Variants in PHEX observed in about 807,000 individuals in gnomAD.
PHEX encodes the protein phosphate-regulating neutral endopeptidase PHEX.
PHEX carries 16 observed loss-of-function variants against 68.0 expected under a neutral mutation model. The observed-to-expected ratio is 0.24, with a 90% confidence interval of 0.16 to 0.36. The LOEUF is 0.36. PHEX is among the 10% of genes least tolerant of loss of function. PHEX has a pLI of 1.00. For synonymous variants in PHEX, 208 were observed against 205.1 expected, an observed-to-expected ratio of 1.01 and a Z score of -0.12; for missense variants, 480 against 575.5, an observed-to-expected ratio of 0.83 and a Z score of 1.70.
chrX:22,122,874 G>C (rs1444962243), intron 11 of PHEX, among the ~76,000 whole-genome samples: 1 of 110,858 alleles, frequency 9.0e-6, no homozygotes, highest in East Asian at 2.8e-4. Flanking sequence ...AACATGTGAG[G>C]TCTCCTGAGA....
At chrX:22,178,115 T>C (rs1187774386) in intron 13 of PHEX, among the ~76,000 whole-genome samples, 158 bp from the exon 14 acceptor site, 1 of 112,323 alleles carries the variant, frequency 8.9e-6, no homozygotes, top group Admixed American at 9.5e-5. Flanking sequence ...AGACTAAATT[T>C]CATGGCTTTG....
chrX:22,082,845 A>T (rs917125811), intron 5 of PHEX, among the ~76,000 whole-genome samples: 2 of 112,583 alleles, frequency 1.8e-5, no homozygotes, highest in Admixed American at 9.4e-5. Flanking sequence ...TCACAGAATT[A>T]GAAAAAGGCT....
chrX:22,051,770 T>C (rs1278789510), intron 3 of PHEX, among the ~76,000 whole-genome samples: 1 of 111,197 alleles, frequency 9.0e-6, no homozygotes, highest in Non-Finnish European at 1.9e-5. Flanking sequence ...TATACTTTTA[T>C]ACACATGGGC....
rs1266685794 is a variant in PHEX at position 22,041,285 on chromosome X, A to C, written c.187+2748A>C. Among the ~76,000 whole-genome samples, 743 of 97,608 alleles carry C rather than the reference A, an allele frequency of 7.6e-3. 11 individuals are homozygous for C. The highest frequency in any genetic ancestry group is 0.02 in the Middle Eastern group (4 of 200). The allele number at this position is 97,608 out of a possible 115,157, so 84.8% of individuals were successfully genotyped here. On this transcript the variant is annotated intron_variant, in intron 2 of 21. Transcript: ENST00000379374. ...TCTCTCTATATATATATATATATAT[A>C]TATATATATATATATATTTTAACCA...
chrX:22,100,143 A>G (rs1930350466), intron 9 of PHEX, among the ~76,000 whole-genome samples: 2 of 112,232 alleles, frequency 1.8e-5, no homozygotes, highest in African/African-American at 6.5e-5. Context: ...TTCTAAATGG[A>G]AATTGAATCT....
Position 22,055,174 on chromosome X carries a change from C to CAAAAAAAAAAAAAAAAAAAAA in PHEX, c.349+7984_349+8004dup, listed in dbSNP as rs111628195. 5.3e-4 allele frequency among the ~76,000 whole-genome samples: 35 copies of CAAAAAAAAAAAAAAAAAAAAA among 66,082 alleles called. 3 individuals are homozygous for CAAAAAAAAAAAAAAAAAAAAA. The highest frequency in any genetic ancestry group is 6.7e-4 in the Admixed American group (3 of 4,506). 57.4% of individuals were successfully genotyped at this position (66,082 alleles called of 115,157 possible). ...CGGGCAACAGAGAGAGACTCCAGCTCAAAAAAAAAAAAAAAAAAAAAAAAA... is the reference window on the plus strand; with the variant it reads ...CGGGCAACAGAGAGAGACTCCAGCTCAAAAAAAAAAAAAAAAAAAAAAAAAAAAAAAAAAAAAAAAAAAAAA... On this transcript the variant is annotated intron_variant, in intron 3 of 21. Coordinates refer to ENST00000379374, the MANE Select transcript of PHEX (RefSeq NM_000444.6).
At chrX:22,205,214 C>A (rs1340232689) in intron 15 of PHEX, among the ~76,000 whole-genome samples, 1 of 112,036 alleles carries the variant, frequency 8.9e-6, no homozygotes, top group African/African-American at 3.2e-5. Context: ...CATCCTCAAG[C>A]CCATTGAATT....
intron 8 of PHEX, chrX:22,098,002 C>T (rs1190406715): frequency 7.7e-6 from 1 of 130,126 alleles, no homozygotes; most frequent in Non-Finnish European, 1.6e-5. Flanking sequence ...AAATGATCCA[C>T]CTGCCTCGGC....
chrX:22,160,942 T>C (rs1933103374), intron 12 of PHEX, among the ~76,000 whole-genome samples: 1 of 110,112 alleles, frequency 9.1e-6, no homozygotes, highest in Admixed American at 9.7e-5. Flanking sequence ...GAGACCAGCC[T>C]GGCCAACATG....
intron 8 of PHEX, among the ~76,000 whole-genome samples, chrX:22,097,247 G>A (rs1450752660): frequency 8.9e-6 from 1 of 112,512 alleles, no homozygotes; most frequent in Non-Finnish European, 1.9e-5. Context: ...CAGTGGCTTA[G>A]AAACTTAAAG....
chrX:22,119,970 T>C (rs984831916), intron 11 of PHEX, among the ~76,000 whole-genome samples: 1 of 111,319 alleles, frequency 9.0e-6, no homozygotes, highest in Non-Finnish European at 1.9e-5. Context: ...CTCATGTCCA[T>C]GGAGGGCAGG....
intron 18 of PHEX, among the ~76,000 whole-genome samples, chrX:22,224,603 AT>A (rs1325661111): frequency 9.0e-6 from 1 of 111,251 alleles, no homozygotes; most frequent in Non-Finnish European, 1.9e-5. Flanking sequence ...GGATATCGAC[AT>A]CTGCTACACT....
intron 3 of PHEX, among the ~76,000 whole-genome samples, chrX:22,066,262 G>A (rs1456132065): frequency 1.8e-5 from 2 of 111,866 alleles, no homozygotes; most frequent in Admixed American, 9.5e-5. Flanking sequence ...GACAAATGGC[G>A]ACCAATTCAT....
At chrX:22,241,441 G>A (rs1936190199) in intron 20 of PHEX, among the ~76,000 whole-genome samples, 1 of 111,582 alleles carries the variant, frequency 9.0e-6, no homozygotes, top group Non-Finnish European at 1.9e-5. Context: ...CAGAACGGAA[G>A]GAGATAGAGA....
chrX:22,098,343 TGGGGAGAGAAAGACAGA>T (rs1375423410), intron 8 of PHEX, among the ~76,000 whole-genome samples: 1 of 106,454 alleles, frequency 9.4e-6, no homozygotes, highest in East Asian at 3.0e-4. Flanking sequence ...GAGAGCAGAA[TGGGGAGAGAAAGACAGA>T]GGGGAGAGTT....
At chrX:22,054,572 A>T (rs1464397791) in intron 3 of PHEX, among the ~76,000 whole-genome samples, 2 of 111,673 alleles carry the variant, frequency 1.8e-5, no homozygotes, top group African/African-American at 6.5e-5. Flanking sequence ...ATTTTGTGTG[A>T]GTCTCCTATG....
chrX:22,049,649 A>T (rs1927718763), intron 3 of PHEX, among the ~76,000 whole-genome samples: 1 of 109,190 alleles, frequency 9.2e-6, no homozygotes, highest in African/African-American at 3.3e-5. Flanking sequence ...AGGCAGGTGG[A>T]TTATCTGAGG....
chrX:22,121,281 G>C (rs924409918), intron 11 of PHEX, among the ~76,000 whole-genome samples: 25 of 112,086 alleles, frequency 2.2e-4, no homozygotes, highest in African/African-American at 7.5e-4. Flanking sequence ...GAGAATGAGG[G>C]GGTCAGTGGA....
At chrX:22,242,643 CAG>C (rs1188941187) in intron 20 of PHEX, among the ~76,000 whole-genome samples, 2 of 111,633 alleles carry the variant, frequency 1.8e-5, no homozygotes, top group Non-Finnish European at 3.8e-5. Context: ...AACAGACAAA[CAG>C]AGAGCCAAAT....
Sources: allele counts gnomAD v4.1 joint callset (sites outside exome capture counted in the v4.1 genomes callset), GRCh38; gene constraint gnomAD v4.1.1; transcripts MANE v1.5; gene names NCBI Gene and HGNC (gene_info 2026-07-23, HGNC 2026-07-21).